The following SVOPL variants were observed in gnomAD, a reference collection of about 807,000 sequenced individuals.
SVOPL encodes the protein SVOP like, also known as putative transporter SVOPL.
A neutral mutation model predicts 61.0 loss-of-function variants in SVOPL; 60 were observed. That is an observed-to-expected ratio of 0.98 (90% CI 0.80 to 1.22). The LOEUF (loss-of-function observed/expected upper bound fraction) is 1.22. Ranked by LOEUF, SVOPL falls within the 50% of genes most tolerant of loss-of-function variation. SVOPL has a pLI of 0.00. For missense variants in SVOPL, 662 were observed against 643.9 expected (o/e 1.03, Z -0.30); for synonymous variants, 279 against 250.0 (o/e 1.12, Z -1.09).
chr7:138,630,515 T>C (rs1042577584), intron 9 of SVOPL, among the ~76,000 whole-genome samples: 1 of 152,010 alleles, frequency 6.6e-6, no homozygotes, highest in Non-Finnish European at 1.5e-5. Flanking sequence ...TAAAAAAGAG[T>C]ATGAGACTTG....
At chr7:138,604,400 A>G (rs1186063647) in intron 14 of SVOPL, among the ~76,000 whole-genome samples, 2 of 152,168 alleles carry the variant, frequency 1.3e-5, no homozygotes, top group African/African-American at 4.8e-5. Flanking sequence ...TGGGCTGGGC[A>G]TGGTGGCTTA....
intron 1 of SVOPL, among the ~76,000 whole-genome samples, chr7:138,695,482 G>C (rs537057937): frequency 6.6e-6 from 1 of 152,282 alleles, no homozygotes; most frequent in African/African-American, 2.4e-5. Context: ...CTGCACTACA[G>C]CATGGACAAC....
intron 1 of SVOPL, among the ~76,000 whole-genome samples, chr7:138,686,560 GGGTT>G (rs60945241): frequency 0.066 from 8,729 of 132,836 alleles, 714 homozygotes; most frequent in African/African-American, 0.2. Context: ...TTTGTTTTTT[GGGTT>G]TTTTTTTTTT....
At chr7:138,688,969 T>A in intron 1 of SVOPL, 1 of 620,506 alleles carries the variant, frequency 1.6e-6, no homozygotes, top group Non-Finnish European at 3.0e-6. Context: ...CGGCCTGAGG[T>A]GATCTGTGAA....
chr7:138,640,070 T>C (rs961953660), intron 9 of SVOPL, among the ~76,000 whole-genome samples: 1 of 151,728 alleles, frequency 6.6e-6, no homozygotes, highest in Non-Finnish European at 1.5e-5. Flanking sequence ...AAGAAATACA[T>C]TTAAAGCAAA....
chr7:138,685,414 T>A (rs1357427929), intron 1 of SVOPL, among the ~76,000 whole-genome samples: 1 of 152,036 alleles, frequency 6.6e-6, no homozygotes, highest in Non-Finnish European at 1.5e-5. Flanking sequence ...AGTGGAATAG[T>A]GGATGCCATT....
chr7:138,664,175 A>T, intron 4 of SVOPL: 1 of 933,352 alleles, frequency 1.1e-6, no homozygotes, highest in Non-Finnish European at 1.3e-6. Context: ...CTTCTTGTGC[A>T]CCCTACCCTG....
chr7:138,654,292 G>A (rs905414724), intron 7 of SVOPL, among the ~76,000 whole-genome samples: 85 of 152,158 alleles, frequency 5.6e-4, no homozygotes, highest in African/African-American at 1.7e-3. Flanking sequence ...GGTTCCTAGT[G>A]TACAGAAGAG....
chr7:138,689,409 T>C, intron 1 of SVOPL: 1 of 1,329,836 alleles, frequency 7.5e-7, no homozygotes, highest in Non-Finnish European at 1.1e-6. Flanking sequence ...GAGCTCTCCC[T>C]GCCACATCGA....
At chr7:138,682,952 G>A (rs1802729771) in intron 1 of SVOPL, among the ~76,000 whole-genome samples, 1 of 111,598 alleles carries the variant, frequency 9.0e-6, no homozygotes, top group African/African-American at 4.0e-5. Flanking sequence ...TGGGCGACAA[G>A]AGCAAAACTC....
chr7:138,644,802 G>A lies in SVOPL; in HGVS notation c.704C>T (p.Thr235Ile), dbSNP rs755704916. The change falls in exon 9 of 16, where the codon ACT (threonine) becomes ATT (isoleucine). Residue 235 changes from threonine (T) to isoleucine (I), a missense_variant. Thr to Ile is a moderately conservative substitution (Grantham distance 89). Transcript: ENST00000674285. ...CTCCAGAGTGGCCAGGGCAGCCCGA[G>A]TGTTCCCAGTGGAGACATTGAACCG... is the stretch of plus-strand genomic sequence containing the variant. ...SARFNVSTGN[T>I]RAALATLERV... is the part of the protein sequence containing the mutation. 4 of 1,614,182 alleles carry A rather than the reference G, an allele frequency of 2.5e-6. No individual in the cohort carries two copies. In the South Asian group the frequency reaches 4.4e-5, roughly 18 times the overall value.
intron 4 of SVOPL, among the ~76,000 whole-genome samples, chr7:138,664,759 C>T (rs898771836): frequency 6.8e-6 from 1 of 146,674 alleles, no homozygotes. Flanking sequence ...GCCCTTCCCC[C>T]CTCCCCCGCA....
At chr7:138,629,946 G>T in intron 10 of SVOPL, 103 bp downstream of exon 10, 1 of 848,762 alleles carries the variant, frequency 1.2e-6, no homozygotes. Flanking sequence ...TTTGGAGTTA[G>T]TCTTATGTTT....
At chr7:138,660,037 G>A (rs1312676211) in intron 5 of SVOPL, 49 bp from the exon 6 acceptor site, 7 of 1,546,314 alleles carry the variant, frequency 4.5e-6, no homozygotes, top group Non-Finnish European at 6.1e-6. Context: ...AATGCGGGGA[G>A]GGAAGAAGCC....
intron 5 of SVOPL, chr7:138,660,339 G>A (rs1428330288): frequency 3.0e-6 from 3 of 1,016,660 alleles, no homozygotes; most frequent in Non-Finnish European, 3.5e-6. Flanking sequence ...AGGAGTACAA[G>A]GAGAACATTT....
chr7:138,665,385 G>C (rs1260402900), intron 4 of SVOPL, among the ~76,000 whole-genome samples: 1 of 151,486 alleles, frequency 6.6e-6, no homozygotes, highest in Non-Finnish European at 1.5e-5. Context: ...GTAAGCTCAG[G>C]GACAGGGTCA....
chr7:138,625,989 C>G lies in SVOPL; in HGVS notation c.1243G>C (p.Val415Leu). ...RALVAANFNTVYIYTAEVYPT... is the reference protein window; with the variant it reads ...RALVAANFNTLYIYTAEVYPT... ...CTCACCTCAGCTGTGTAAATGTAGA[C>G]GGTGTTGAAGTTTGCAGCTACCAGA... Residue 415 changes from valine to leucine, a missense_variant, in exon 13 of 16, where the codon GTC (valine) becomes CTC (leucine). Val to Leu is a conservative substitution (Grantham distance 32, BLOSUM62 1). Coordinates refer to ENST00000674285, the MANE Select transcript of SVOPL (RefSeq NM_001139456.2). 1.2e-6 allele frequency: 2 copies of G among 1,614,030 alleles called. No homozygotes were observed. The highest frequency in any genetic ancestry group is 1.7e-6 in the Non-Finnish European group (2 of 1,180,004).
At chr7:138,675,116 C>A (rs758729191) in intron 3 of SVOPL, among the ~76,000 whole-genome samples, 14 of 151,542 alleles carry the variant, frequency 9.2e-5, no homozygotes, top group Non-Finnish European at 2.1e-4. Context: ...AGACTGTTGC[C>A]TGAGGCCAGG....
At chr7:138,677,821 G>A (rs1392302789) in intron 3 of SVOPL, among the ~76,000 whole-genome samples, 4 of 148,620 alleles carry the variant, frequency 2.7e-5, no homozygotes, top group Non-Finnish European at 5.9e-5. Flanking sequence ...GGAGTGCAGT[G>A]GCGCGATCTC....
Sources: allele counts gnomAD v4.1 joint callset (sites outside exome capture counted in the v4.1 genomes callset), GRCh38; gene constraint gnomAD v4.1.1; transcripts MANE v1.5; gene names NCBI Gene and HGNC (gene_info 2026-07-23, HGNC 2026-07-21).